The following ANTXR2 variants were observed in gnomAD, a reference collection of about 807,000 sequenced individuals.
The protein encoded by ANTXR2 is anthrax toxin receptor 2.
In ANTXR2, 44 loss-of-function variants were observed where a neutral mutation model predicts 73.7. The observed-to-expected ratio is 0.60, with a 90% CI of 0.47 to 0.77. The LOEUF (loss-of-function observed/expected upper bound fraction) is 0.77, where lower values mean the gene tolerates loss of function less well. Among genes scored for constraint, ANTXR2 ranks in the 30% least tolerant of loss-of-function variants. ANTXR2 has a pLI of 0.00. For missense variants in ANTXR2, 604 were observed against 592.5 expected (o/e 1.02, Z -0.20); for synonymous variants, 217 against 205.9 (o/e 1.05, Z -0.46).
chr4:80,041,074 A>T (rs970020792), intron 7 of ANTXR2, among the ~76,000 whole-genome samples: 5 of 152,000 alleles, frequency 3.3e-5, no homozygotes, highest in African/African-American at 1.2e-4. Context: ...CTTTTTATGA[A>T]TTTTTTTCAG....
In ANTXR2 at chr4:80,031,681, C is replaced by T. The variant is rs113707133; in HGVS notation, c.808G>A (p.Val270Ile). ...NETYTTSVKP[V>I]SVQLNSMLCP... ...AGCATAGAATTAAGCTGTACACTTA[C>T]TGGTTTTACACCTAGAAAATAAAAT... Residue 270 changes from valine to isoleucine, a missense_variant, in exon 10 of 17, where the codon GTA (valine) becomes ATA (isoleucine). By Grantham distance (29) the Val-to-Ile change is conservative. Transcript: ENST00000403729. The T allele has an allele frequency of 1.4e-3, 2,133 of 1,505,830 alleles. 33 individuals carry two copies. In the African/African-American group the frequency reaches 0.026, roughly 18 times the overall value. 93.3% of individuals were successfully genotyped at this position (1,505,830 alleles called of 1,614,324 possible).
At chr4:79,966,678 C>G (rs1057024806) in intron 16 of ANTXR2, among the ~76,000 whole-genome samples, 16 of 152,124 alleles carry the variant, frequency 1.1e-4, no homozygotes, top group Non-Finnish European at 1.9e-4. Flanking sequence ...AGTCTCAATA[C>G]AGATTATATC....
At chr4:80,031,519 GTA>G in intron 10 of ANTXR2, 102 bp downstream of exon 10, 1 of 914,232 alleles carries the variant, frequency 1.1e-6, no homozygotes. Context: ...TTAATGCTCT[GTA>G]TATCAAAAAA....
intron 12 of ANTXR2, among the ~76,000 whole-genome samples, chr4:80,005,926 T>C (rs546319794): frequency 6.6e-6 from 1 of 152,160 alleles, no homozygotes; most frequent in Non-Finnish European, 1.5e-5. Context: ...TCCTCCCCTA[T>C]GGGTTCATGC....
chr4:79,980,577 T>G (rs1329664884), intron 14 of ANTXR2, among the ~76,000 whole-genome samples: 1 of 152,106 alleles, frequency 6.6e-6, no homozygotes, highest in Non-Finnish European at 1.5e-5. Context: ...CCAGAGCATA[T>G]TTGGATGACT....
At chr4:79,998,929 A>G (rs1239754580) in intron 12 of ANTXR2, among the ~76,000 whole-genome samples, 7 of 152,034 alleles carry the variant, frequency 4.6e-5, no homozygotes, top group Non-Finnish European at 1.0e-4. Context: ...GTCTCCAAAT[A>G]TCATTGGTTT....
chr4:80,000,298 T>C (rs537515217), intron 12 of ANTXR2, among the ~76,000 whole-genome samples: 3 of 152,220 alleles, frequency 2.0e-5, no homozygotes, highest in East Asian at 3.9e-4. Flanking sequence ...ATGAAAATTA[T>C]ATCAAGAGTG....
At chr4:80,004,561 T>C (rs1040763320) in intron 12 of ANTXR2, among the ~76,000 whole-genome samples, 1 of 152,136 alleles carries the variant, frequency 6.6e-6, no homozygotes, top group Non-Finnish European at 1.5e-5. Flanking sequence ...CCTTGGCTTG[T>C]GGCTGCATCA....
intron 16 of ANTXR2, among the ~76,000 whole-genome samples, chr4:79,962,022 T>C (rs189489804): frequency 4.9e-4 from 75 of 152,250 alleles, no homozygotes; most frequent in African/African-American, 1.8e-3. Context: ...AAAAAATATA[T>C]TTTTTGGTAA....
intron 16 of ANTXR2, among the ~76,000 whole-genome samples, chr4:79,926,697 G>C (rs1004268340): frequency 4.6e-5 from 7 of 152,138 alleles, no homozygotes; most frequent in African/African-American, 1.7e-4. Flanking sequence ...TATTATCTAA[G>C]TCTTTTCTCT....
chr4:79,923,908 T>G (rs1727684895), intron 16 of ANTXR2, among the ~76,000 whole-genome samples: 1 of 152,142 alleles, frequency 6.6e-6, no homozygotes, highest in East Asian at 1.9e-4. Context: ...GAGGAATCCT[T>G]CTGTATTTAT....
chr4:79,960,310 A>G (rs1252964000), intron 16 of ANTXR2, among the ~76,000 whole-genome samples: 1 of 152,164 alleles, frequency 6.6e-6, no homozygotes, highest in African/African-American at 2.4e-5. Context: ...ATGATTATGA[A>G]ATTTAATATA....
intron 16 of ANTXR2, among the ~76,000 whole-genome samples, chr4:79,959,845 G>C (rs1400106672): frequency 6.6e-6 from 1 of 152,192 alleles, no homozygotes; most frequent in Non-Finnish European, 1.5e-5. Context: ...AGGGAAGGTC[G>C]CATTGTCTAA....
chr4:79,945,218 A>G (rs1728474018), intron 16 of ANTXR2, among the ~76,000 whole-genome samples: 1 of 152,062 alleles, frequency 6.6e-6, no homozygotes, highest in Non-Finnish European at 1.5e-5. Flanking sequence ...TAGGTTAAGC[A>G]ATATGTACAA....
intron 10 of ANTXR2, among the ~76,000 whole-genome samples, chr4:80,029,494 T>A (rs1279540570): frequency 6.6e-6 from 1 of 152,046 alleles, no homozygotes; most frequent in Non-Finnish European, 1.5e-5. Context: ...AATTCATTCA[T>A]CCTTTTATCC....
chr4:79,921,489 G>T (rs1250629772), intron 16 of ANTXR2, among the ~76,000 whole-genome samples: 1 of 151,878 alleles, frequency 6.6e-6, no homozygotes, highest in Non-Finnish European at 1.5e-5. Context: ...ATAGCTCTTT[G>T]GGTCATTTTG....
chr4:80,028,376 C>T (rs62298637), intron 10 of ANTXR2, among the ~76,000 whole-genome samples: 31,723 of 152,100 alleles, frequency 0.21, 4,099 homozygotes, highest in East Asian at 0.66. Flanking sequence ...CTCCCACATG[C>T]TCTTTTAAAC....
chr4:79,991,342 TA>T (rs530280030), intron 12 of ANTXR2, among the ~76,000 whole-genome samples: 1 of 151,994 alleles, frequency 6.6e-6, no homozygotes, highest in South Asian at 2.1e-4. Flanking sequence ...AACAAGCTTA[TA>T]AAAAAATGCT....
intron 3 of ANTXR2, among the ~76,000 whole-genome samples, chr4:80,058,657 T>A (rs1734109595): frequency 6.9e-6 from 1 of 144,458 alleles, no homozygotes; most frequent in African/African-American, 2.5e-5. Flanking sequence ...AAAACAGAAA[T>A]CATTCATCCC....
Sources: allele counts gnomAD v4.1 joint callset (sites outside exome capture counted in the v4.1 genomes callset), GRCh38; gene constraint gnomAD v4.1.1; transcripts MANE v1.5; gene names NCBI Gene and HGNC (gene_info 2026-07-23, HGNC 2026-07-21).